TIAM1: variants seen among roughly 807,000 people sequenced by gnomAD.
TIAM1 encodes rho guanine nucleotide exchange factor TIAM1.
Under a neutral mutation model 163.5 loss-of-function variants are expected in TIAM1, and 65 were observed. That is an observed-to-expected ratio of 0.40 (90% CI 0.33 to 0.49). TIAM1 has a LOEUF of 0.49. Among genes scored for constraint, TIAM1 ranks in the 20% least tolerant of loss-of-function variants. The probability of loss-of-function intolerance (pLI) is 0.77; values close to 1 mark genes in which losing one functional copy is unlikely to be tolerated. For synonymous variants in TIAM1, 833 were observed against 810.1 expected (o/e 1.03, Z -0.48); for missense variants, 1,789 against 2,044.7 (o/e 0.87, Z 2.41).
chr21:31,253,017 G>A (rs866831153), intron 4 of TIAM1, among the ~76,000 whole-genome samples: 11 of 152,212 alleles, frequency 7.2e-5, no homozygotes, highest in African/African-American at 2.7e-4. Context: ...AAAAACATTG[G>A]GAACTTCCAA....
chr21:31,281,663 G>C (rs1298753918), intron 2 of TIAM1, among the ~76,000 whole-genome samples: 1 of 152,212 alleles, frequency 6.6e-6, no homozygotes, highest in Non-Finnish European at 1.5e-5. Flanking sequence ...TAGATGGGTA[G>C]ATGAATGGAC....
chr21:31,137,293 C>T (rs2146260465), intron 22 of TIAM1, among the ~76,000 whole-genome samples: 1 of 152,348 alleles, frequency 6.6e-6, no homozygotes, highest in South Asian at 2.1e-4. Flanking sequence ...GTATTGTTGC[C>T]TCCCTTGATT....
chr21:31,221,694 T>C (rs2087568933), intron 8 of TIAM1, among the ~76,000 whole-genome samples: 1 of 152,198 alleles, frequency 6.6e-6, no homozygotes, highest in South Asian at 2.1e-4. Flanking sequence ...ACTTCGATGC[T>C]CCGGGTTTGG....
intron 2 of TIAM1, among the ~76,000 whole-genome samples, chr21:31,460,823 C>T (rs1239809639): frequency 2.6e-5 from 4 of 152,144 alleles, no homozygotes; most frequent in African/African-American, 9.7e-5. Context: ...TAATTCTTTT[C>T]TTCCACCATT....
At chr21:31,458,418 C>T in intron 2 of TIAM1, among the ~76,000 whole-genome samples, 1 of 150,736 alleles carries the variant, frequency 6.6e-6, no homozygotes, top group East Asian at 1.9e-4. Flanking sequence ...GAAACTCCAT[C>T]TCAAAAAAAA....
At chr21:31,431,491 T>TG (rs2044026001) in intron 2 of TIAM1, among the ~76,000 whole-genome samples, 6 of 152,168 alleles carry the variant, frequency 3.9e-5, no homozygotes. Flanking sequence ...CTCTTGAAGG[T>TG]GGGGACTTTT....
At chr21:31,288,622 G>A (rs1226636130) in intron 2 of TIAM1, among the ~76,000 whole-genome samples, 1 of 152,138 alleles carries the variant, frequency 6.6e-6, no homozygotes, top group African/African-American at 2.4e-5. Flanking sequence ...AACATTCAGA[G>A]CATAGCAACT....
intron 15 of TIAM1, among the ~76,000 whole-genome samples, chr21:31,168,094 AT>A (rs11307082): frequency 0.16 from 23,017 of 141,524 alleles, 4,748 homozygotes; most frequent in African/African-American, 0.49. Flanking sequence ...GATTCTTATT[AT>A]TTTTTTTTTT....
chr21:31,267,377 A>C (rs2072836189), intron 3 of TIAM1, among the ~76,000 whole-genome samples: 1 of 151,792 alleles, frequency 6.6e-6, no homozygotes, highest in Admixed American at 6.6e-5. Flanking sequence ...TACATTGAAA[A>C]CTCTGAAAGT....
chr21:31,223,888 G>C (rs910433839), intron 7 of TIAM1, among the ~76,000 whole-genome samples: 1 of 152,142 alleles, frequency 6.6e-6, no homozygotes, highest in Non-Finnish European at 1.5e-5. Context: ...CTAGACTCCA[G>C]AAGTAAAAAT....
chr21:31,433,363 T>G (rs2044106459), intron 2 of TIAM1, among the ~76,000 whole-genome samples: 1 of 152,230 alleles, frequency 6.6e-6, no homozygotes, highest in Non-Finnish European at 1.5e-5. Context: ...ATTAACATCA[T>G]TCAGGTGATT....
At chr21:31,229,873 G>A (rs1451083611) in intron 6 of TIAM1, among the ~76,000 whole-genome samples, 4 of 152,024 alleles carry the variant, frequency 2.6e-5, no homozygotes, top group Non-Finnish European at 4.4e-5. Context: ...GGCTGGTCTC[G>A]AACTCCTGAC....
intron 2 of TIAM1, among the ~76,000 whole-genome samples, chr21:31,322,820 A>G (rs1228411384): frequency 2.0e-5 from 3 of 152,096 alleles, no homozygotes; most frequent in African/African-American, 7.2e-5. Flanking sequence ...TTGTATTTCT[A>G]TTTCCACAAG....
intron 1 of TIAM1, among the ~76,000 whole-genome samples, chr21:31,533,695 G>A (rs2123238872): frequency 6.6e-6 from 1 of 152,282 alleles, no homozygotes; most frequent in Admixed American, 6.5e-5. Flanking sequence ...TCATGCCACT[G>A]CTCTCCGGCC....
intron 1 of TIAM1, among the ~76,000 whole-genome samples, chr21:31,558,502 G>A (rs1188202612): frequency 6.6e-6 from 1 of 152,110 alleles, no homozygotes; most frequent in Non-Finnish European, 1.5e-5. Flanking sequence ...ATAGACACAA[G>A]GATGCACAAG....
chr21:31,322,491 T>C (rs2075350401), intron 2 of TIAM1, among the ~76,000 whole-genome samples: 1 of 151,868 alleles, frequency 6.6e-6, no homozygotes, highest in Non-Finnish European at 1.5e-5. Flanking sequence ...GGGAAGGAAC[T>C]GAAGCCTGGA....
At chr21:31,329,281 C>A (rs559284518) in intron 2 of TIAM1, among the ~76,000 whole-genome samples, 1 of 152,308 alleles carries the variant, frequency 6.6e-6, no homozygotes, top group Non-Finnish European at 1.5e-5. Flanking sequence ...CAACTGAGCA[C>A]GTGAACGCAG....
chr21:31,282,660 C>T (rs757478024), intron 2 of TIAM1, among the ~76,000 whole-genome samples: 13 of 152,210 alleles, frequency 8.5e-5, no homozygotes, highest in African/African-American at 2.7e-4. Context: ...TTCCCACTGA[C>T]GGCCCTGGGG....
chr21:31,369,717 GA>G (rs1361957130), intron 2 of TIAM1, among the ~76,000 whole-genome samples: 3 of 152,062 alleles, frequency 2.0e-5, no homozygotes, highest in Non-Finnish European at 2.9e-5. Flanking sequence ...AAAATAAAAG[GA>G]AAAATACATT....
Sources: gnomAD v4.1 joint callset for allele counts (sites outside exome capture counted in the v4.1 genomes callset) on GRCh38, gnomAD v4.1.1 for gene constraint, MANE v1.5 for transcripts, NCBI Gene and HGNC (gene_info 2026-07-23, HGNC 2026-07-21) for gene names.